Variants in COL5A1 observed in about 807,000 individuals in gnomAD.
COL5A1 encodes the protein collagen alpha-1(V) chain.
COL5A1 carries 16 observed loss-of-function variants against 263.7 expected under a neutral mutation model. The observed-to-expected ratio is 0.06, with a 90% CI of 0.04 to 0.09. The LOEUF (loss-of-function observed/expected upper bound fraction) is 0.09, where lower values mean the gene tolerates loss of function less well. COL5A1 is among the 10% of genes least tolerant of loss of function. The pLI is 1.00. For missense variants in COL5A1, 2,036 were observed against 2,540.5 expected (o/e 0.80, Z 4.27); for synonymous variants, 1,012 against 1,004.5 (o/e 1.01, Z -0.14).
chr9:134,695,669 C>T (rs993569167), intron 2 of COL5A1, among the ~76,000 whole-genome samples: 13 of 152,174 alleles, frequency 8.5e-5, no homozygotes, highest in East Asian at 3.9e-4. Context: ...AAATAAGATG[C>T]GGGGTTCCCA....
At chr9:134,733,950 C>G (rs1280052756) in intron 9 of COL5A1, among the ~76,000 whole-genome samples, 1 of 152,210 alleles carries the variant, frequency 6.6e-6, no homozygotes, top group African/African-American at 2.4e-5. Flanking sequence ...AAGATGGGAT[C>G]TCAGGGTGGG....
At chr9:134,772,721 G>A in intron 25 of COL5A1, 69 bp from the exon 26 acceptor site, 1 of 1,471,166 alleles carries the variant, frequency 6.8e-7, no homozygotes, top group Non-Finnish European at 9.5e-7. Flanking sequence ...TGCTACGCAG[G>A]GAGGGGAAGC....
chr9:134,753,410 C>G (rs981005001), intron 14 of COL5A1, among the ~76,000 whole-genome samples: 2 of 152,156 alleles, frequency 1.3e-5, no homozygotes, highest in African/African-American at 4.8e-5. Context: ...CTGGCTTTGC[C>G]ACCTGCCACT....
chr9:134,711,969 C>T (rs1287309394), intron 4 of COL5A1, among the ~76,000 whole-genome samples: 1 of 148,270 alleles, frequency 6.7e-6, no homozygotes, highest in Non-Finnish European at 1.5e-5. Flanking sequence ...ACCCCCTTTA[C>T]CCTGGCCCCC....
intron 27 of COL5A1, among the ~76,000 whole-genome samples, chr9:134,775,321 G>A (rs548796069): frequency 1.6e-4 from 24 of 152,368 alleles, no homozygotes; most frequent in South Asian, 2.1e-4. Flanking sequence ...GGGGAAGCTC[G>A]GAAACATTTC....
intron 65 of COL5A1, among the ~76,000 whole-genome samples, chr9:134,838,648 C>T (rs988034178): frequency 5.9e-5 from 9 of 152,182 alleles, no homozygotes; most frequent in South Asian, 2.1e-4. Flanking sequence ...AGTGTCTCTG[C>T]GTGCAGAGGA....
At chr9:134,718,844 G>A (rs1181299867) in intron 4 of COL5A1, among the ~76,000 whole-genome samples, 1 of 152,200 alleles carries the variant, frequency 6.6e-6, no homozygotes, top group Non-Finnish European at 1.5e-5. Flanking sequence ...ATGGGGATGG[G>A]AGAGTGGAAA....
At chr9:134,822,406 C>T (rs2132875418) in intron 59 of COL5A1, among the ~76,000 whole-genome samples, 1 of 152,272 alleles carries the variant, frequency 6.6e-6, no homozygotes, top group Middle Eastern at 3.4e-3. Context: ...GGGAACGAGG[C>T]CACTTGTCTG....
chr9:134,815,013 C>T, intron 50 of COL5A1, 109 bp downstream of exon 50: 1 of 770,516 alleles, frequency 1.3e-6, no homozygotes, highest in Non-Finnish European at 2.1e-6. Flanking sequence ...AGCTTCAAGA[C>T]CATTCCATGT....
Position 134,658,700 on chromosome 9 carries a change from C to T in COL5A1, c.109+16404C>T, listed in dbSNP as rs189908882. 8.2e-3 allele frequency among the ~76,000 whole-genome samples: 1,177 copies of T among 143,356 alleles called. 16 individuals carry two copies. The highest frequency in any genetic ancestry group is 0.031 in the African/African-American group (1,112 of 35,456). The allele number at this position is 143,356 out of a possible 152,430, so 94.0% of individuals were successfully genotyped here. On this transcript the variant is annotated intron_variant, in intron 1 of 65. Coordinates refer to ENST00000371817, the MANE Select transcript of COL5A1 (RefSeq NM_000093.5). Reference sequence around the variant, plus strand: ...TCTTGTACCCTGCCCGGCTTCTGTCCCCTGGAGGGTGGCGGGGGGTGGGGC... The same window carrying T: ...TCTTGTACCCTGCCCGGCTTCTGTCTCCTGGAGGGTGGCGGGGGGTGGGGC...
At position 134,761,910 on chromosome 9, in the gene COL5A1, C is replaced by G. The variant is rs755787951; in HGVS notation, c.1936-15C>G. ...CTGCTCAGGAGAGGCTGACGTTGAC[C>G]CTTTCACTTCCTAGGGTGACCCTGG... On this transcript the variant is annotated splice_polypyrimidine_tract_variant and intron_variant, in intron 18 of 65. Transcript: ENST00000371817. 1.4e-5 allele frequency: 22 copies of G among 1,612,952 alleles called. No individual in the cohort carries two copies. The highest frequency in any genetic ancestry group is 1.8e-5 in the Non-Finnish European group (21 of 1,179,710).
chr9:134,708,434 G>C (rs1297677249), intron 4 of COL5A1: 1 of 406,762 alleles, frequency 2.5e-6, no homozygotes, highest in African/African-American at 2.1e-5. Context: ...TGGGGGCTCT[G>C]GTGCACCTGC....
chr9:134,813,890 A>G, intron 48 of COL5A1, 93 bp from the exon 49 acceptor site: 1 of 1,416,698 alleles, frequency 7.1e-7, no homozygotes, highest in Non-Finnish European at 9.7e-7. Flanking sequence ...GGGCAGGCAG[A>G]CAGCAGGCAG....
chr9:134,813,922 C>T (rs1249309389), intron 48 of COL5A1, 61 bp from the exon 49 acceptor site: 6 of 1,528,484 alleles, frequency 3.9e-6, no homozygotes, highest in East Asian at 2.5e-5. Flanking sequence ...TGCTTGAAAC[C>T]GTAGCACTGC....
At chr9:134,808,922 A>G in intron 42 of COL5A1, 1 of 551,532 alleles carries the variant, frequency 1.8e-6, no homozygotes, top group South Asian at 2.0e-5. Context: ...ACTGTGCCTC[A>G]GTTTCCCCAT....
intron 64 of COL5A1, 95 bp downstream of exon 64, chr9:134,830,139 C>T (rs754948648): frequency 4.6e-5 from 74 of 1,612,382 alleles, no homozygotes; most frequent in Non-Finnish European, 5.9e-5. Context: ...AAAGAGCAGC[C>T]TTCCACCTGG....
At chr9:134,719,067 G>A (rs1834363835) in intron 4 of COL5A1, among the ~76,000 whole-genome samples, 1 of 152,192 alleles carries the variant, frequency 6.6e-6, no homozygotes, top group Non-Finnish European at 1.5e-5. Flanking sequence ...GGGGAAGTGG[G>A]GTGGGCTTAG....
chr9:134,828,681 C>T (rs142407445), intron 63 of COL5A1, among the ~76,000 whole-genome samples: 1 of 102 alleles, frequency 9.8e-3, no homozygotes, highest in African/African-American at 0.033. Flanking sequence ...ATGCGCCATA[C>T]ACACCACACA....
At chr9:134,762,511 G>A (rs538876323) in intron 19 of COL5A1, among the ~76,000 whole-genome samples, 3 of 152,322 alleles carry the variant, frequency 2.0e-5, no homozygotes, top group South Asian at 2.1e-4. Flanking sequence ...CGCACAGGCC[G>A]GGGTCTGGTA....
Sources: allele counts gnomAD v4.1 joint callset (sites outside exome capture counted in the v4.1 genomes callset), GRCh38; gene constraint gnomAD v4.1.1; transcripts MANE v1.5; gene names NCBI Gene and HGNC (gene_info 2026-07-23, HGNC 2026-07-21).